EPHA6: variants seen among roughly 807,000 people sequenced by gnomAD.
EPHA6 encodes the protein ephrin type-A receptor 6.
A neutral mutation model predicts 112.0 loss-of-function variants in EPHA6; 50 were observed. The ratio of observed to expected loss-of-function variants is 0.45; its 90% CI spans 0.36 to 0.56. The LOEUF (loss-of-function observed/expected upper bound fraction) is 0.56. EPHA6 is among the 20% of genes least tolerant of loss of function. EPHA6 has a pLI of 0.00. For missense variants in EPHA6, 1,280 were observed against 1,417.4 expected (o/e 0.90, Z 1.56); for synonymous variants, 529 against 490.7 (o/e 1.08, Z -1.03).
At chr3:97,289,889 T>C (rs1298407393) in intron 5 of EPHA6, among the ~76,000 whole-genome samples, 9 of 152,126 alleles carry the variant, frequency 5.9e-5, no homozygotes, top group African/African-American at 2.2e-4. Flanking sequence ...TGATCTTGTT[T>C]ATCCTTTCAA....
intron 3 of EPHA6, among the ~76,000 whole-genome samples, chr3:97,093,862 A>T (rs2044002333): frequency 6.6e-6 from 1 of 152,134 alleles, no homozygotes; most frequent in African/African-American, 2.4e-5. Context: ...TTCCCACGGG[A>T]GTAGTAAGAC....
At chr3:97,321,036 T>A (rs1426632773) in intron 5 of EPHA6, among the ~76,000 whole-genome samples, 1 of 151,946 alleles carries the variant, frequency 6.6e-6, no homozygotes, top group Non-Finnish European at 1.5e-5. Context: ...TTTTTTTCTG[T>A]CTTTATTTTG....
chr3:96,871,629 T>G (rs1406700157), intron 2 of EPHA6, among the ~76,000 whole-genome samples: 2 of 152,014 alleles, frequency 1.3e-5, no homozygotes, highest in Non-Finnish European at 2.9e-5. Flanking sequence ...GTACACTCAT[T>G]TATTTAATCT....
At chr3:97,348,575 A>T (rs2083648634) in intron 5 of EPHA6, among the ~76,000 whole-genome samples, 1 of 152,112 alleles carries the variant, frequency 6.6e-6, no homozygotes, top group Admixed American at 6.6e-5. Context: ...ATATTGAAAA[A>T]GCATTTCTTA....
chr3:97,709,749 C>T (rs950661950), intron 14 of EPHA6, among the ~76,000 whole-genome samples: 4 of 152,150 alleles, frequency 2.6e-5, no homozygotes, highest in Non-Finnish European at 4.4e-5. Flanking sequence ...TGGGGGCAGT[C>T]TCCCCCCATG....
intron 5 of EPHA6, among the ~76,000 whole-genome samples, chr3:97,270,713 C>T (rs2079849742): frequency 6.6e-6 from 1 of 152,194 alleles, no homozygotes; most frequent in African/African-American, 2.4e-5. Context: ...TATTTATACT[C>T]AGTAACAAGG....
chr3:97,220,674 A>G (rs1388165551), intron 3 of EPHA6, among the ~76,000 whole-genome samples: 1 of 152,200 alleles, frequency 6.6e-6, no homozygotes, highest in Non-Finnish European at 1.5e-5. Flanking sequence ...AACCACCCCC[A>G]TGATTCAATT....
chr3:97,398,121 C>T (rs1177721879), intron 5 of EPHA6, among the ~76,000 whole-genome samples: 2 of 151,358 alleles, frequency 1.3e-5, no homozygotes, highest in Non-Finnish European at 3.0e-5. Context: ...TTCTTTTATG[C>T]TGTGGCTATA....
intron 10 of EPHA6, among the ~76,000 whole-genome samples, chr3:97,489,834 T>TAC (rs1474095560): frequency 6.6e-6 from 1 of 152,162 alleles, no homozygotes; most frequent in Non-Finnish European, 1.5e-5. Context: ...AAAACTATTC[T>TAC]ACAGTAGTCT....
At chr3:97,526,877 A>T (rs75410299) in intron 10 of EPHA6, among the ~76,000 whole-genome samples, 2,351 of 151,940 alleles carry the variant, frequency 0.015, 73 homozygotes, top group African/African-American at 0.054. Context: ...TGAGTCTACC[A>T]GCATGTCTTA....
At chr3:97,051,377 A>C (rs1332126700) in intron 3 of EPHA6, among the ~76,000 whole-genome samples, 2 of 152,134 alleles carry the variant, frequency 1.3e-5, no homozygotes, top group Non-Finnish European at 2.9e-5. Context: ...TGTGGTGCTT[A>C]AGACTTGACC....
At chr3:97,319,667 CAA>C (rs1340197693) in intron 5 of EPHA6, among the ~76,000 whole-genome samples, 1 of 54,758 alleles carries the variant, frequency 1.8e-5, no homozygotes, top group Non-Finnish European at 3.9e-5. Context: ...GAGATTGTCT[CAA>C]AAAAAAAAAA....
At chr3:97,067,752 A>G (rs1230273514) in intron 3 of EPHA6, among the ~76,000 whole-genome samples, 1 of 152,024 alleles carries the variant, frequency 6.6e-6, no homozygotes, top group Admixed American at 6.6e-5. Context: ...CATTTGAGAC[A>G]ACCATTTCTA....
At chr3:97,103,629 T>A (rs2047475240) in intron 3 of EPHA6, among the ~76,000 whole-genome samples, 1 of 152,138 alleles carries the variant, frequency 6.6e-6, no homozygotes. Context: ...GGGCTCTTTT[T>A]TGGTTCCATA....
At chr3:97,513,611 G>A (rs1476399799) in intron 10 of EPHA6, among the ~76,000 whole-genome samples, 1 of 145,946 alleles carries the variant, frequency 6.9e-6, no homozygotes, top group East Asian at 2.2e-4. Flanking sequence ...CTCATATGTA[G>A]AATTAAAAAA....
chr3:97,446,473 G>A (rs2090349555), intron 6 of EPHA6, among the ~76,000 whole-genome samples: 1 of 152,022 alleles, frequency 6.6e-6, no homozygotes, highest in African/African-American at 2.4e-5. Flanking sequence ...CTATGTTTTG[G>A]GGAAGCAACA....
chr3:97,574,208 T>C (rs774404564), intron 11 of EPHA6, among the ~76,000 whole-genome samples: 2 of 152,248 alleles, frequency 1.3e-5, no homozygotes, highest in Middle Eastern at 3.4e-3. Flanking sequence ...TAATACCCTA[T>C]CCTAAAGGCT....
chr3:97,686,278 C>T (rs181719906), intron 14 of EPHA6, among the ~76,000 whole-genome samples: 3 of 152,264 alleles, frequency 2.0e-5, no homozygotes, highest in Admixed American at 2.0e-4. Context: ...GCTAGAATGA[C>T]TCACTGCAAA....
chr3:96,846,334 A>G (rs1576126577), intron 1 of EPHA6, among the ~76,000 whole-genome samples: 2 of 152,204 alleles, frequency 1.3e-5, no homozygotes, highest in East Asian at 3.9e-4. Context: ...TAGATAAATA[A>G]GATAAAATGT....
Sources: gnomAD v4.1 joint callset for allele counts (sites outside exome capture counted in the v4.1 genomes callset) on GRCh38, gnomAD v4.1.1 for gene constraint, MANE v1.5 for transcripts, NCBI Gene and HGNC (gene_info 2026-07-23, HGNC 2026-07-21) for gene names.